The following TRAPPC12 variants were observed in gnomAD, a reference collection of about 807,000 sequenced individuals.
TRAPPC12 encodes the protein trafficking protein particle complex subunit 12, also known as TPR repeat protein 15.
In TRAPPC12, 61 loss-of-function variants were observed where a neutral mutation model predicts 69.2. The observed-to-expected ratio is 0.88, with a 90% CI of 0.72 to 1.09. The LOEUF is 1.09. Ranked by LOEUF, TRAPPC12 falls within the 50% of genes least tolerant of loss-of-function variation. The pLI, the probability that TRAPPC12 is intolerant of heterozygous loss-of-function variation, is 0.00. For synonymous variants in TRAPPC12, 469 were observed against 438.9 expected (o/e 1.07, Z -0.86); for missense variants, 1,101 against 1,016.4 (o/e 1.08, Z -1.13).
chr2:3,421,734 C>T (rs778791286), intron 3 of TRAPPC12, 147 bp from the exon 4 acceptor site: 1 of 758,292 alleles, frequency 1.3e-6, no homozygotes, highest in South Asian at 1.5e-5. Flanking sequence ...GTGCCGTCAG[C>T]ACACTGACGT....
At position 3,414,897 on chromosome 2, in the gene TRAPPC12, G is replaced by A. The variant is rs962246923; in HGVS notation, c.1165-6984G>A. 2.0e-5 allele frequency among the ~76,000 whole-genome samples: 3 copies of A among 152,044 alleles called. No individual in the cohort carries two copies. The highest frequency in any genetic ancestry group is 6.6e-5 in the Admixed American group (1 of 15,258). ...TTGGCCCTTCATATCTACAGGTTCC[G>A]CATCCACAGATTCCACCACCCGCAG... is the stretch of plus-strand genomic sequence containing the variant. On this transcript the variant is annotated intron_variant, in intron 3 of 11. Coordinates refer to ENST00000324266, the MANE Select transcript of TRAPPC12 (RefSeq NM_016030.6). The surrounding 1 kb of genome is among the most constrained non-coding windows in gnomAD (Gnocchi z 4.9).
chr2:3,434,453 C>T lies in TRAPPC12; in HGVS notation c.1418-9326C>T, dbSNP rs1395305609. On this transcript the variant is annotated intron_variant, in intron 5 of 11. Transcript: ENST00000324266. ...ATTTTTATTCTTTAAGATTTTTAAC[C>T]TGTGCAAGACTTTTTCAATGATACA... Among the ~76,000 whole-genome samples, 6 of 152,240 alleles carry T rather than the reference C, an allele frequency of 3.9e-5. No homozygotes were observed. In the East Asian group the frequency reaches 9.6e-4, roughly 24 times the overall value.
chr2:3,384,800 T>G (rs1660419279), intron 1 of TRAPPC12, among the ~76,000 whole-genome samples: 1 of 152,208 alleles, frequency 6.6e-6, no homozygotes, highest in Non-Finnish European at 1.5e-5. Context: ...TCTTTTTTCT[T>G]CTCTGCAAGA....
chr2:3,455,843 C>T (rs921746193), intron 6 of TRAPPC12: 1 of 152,182 alleles, frequency 6.6e-6, no homozygotes, highest in African/African-American at 2.4e-5. Context: ...AGACTGATTT[C>T]CTTTCTTTTC....
At position 3,457,597 on chromosome 2, in the gene TRAPPC12, CCTT is replaced by C. The variant is rs749087737; in HGVS notation, c.1531-21_1531-19del. ...CAAAAATTGGTTCCCATGATTTTGT[CCTT>C]CTCATTTGGAATGATTGCAGATCCT... On this transcript the variant is annotated intron_variant, in intron 6 of 11. Coordinates refer to ENST00000324266, the MANE Select transcript of TRAPPC12 (RefSeq NM_016030.6). The C allele has an allele frequency of 5.5e-5, 89 of 1,608,526 alleles. No individual in the cohort carries two copies. In the African/African-American group the frequency reaches 9.5e-4, roughly 17 times the overall value.
At position 3,383,900 on chromosome 2, in the gene TRAPPC12, T is replaced by G. The variant is rs796856944; in HGVS notation, c.-4-3720T>G. On this transcript the variant is annotated intron_variant, in intron 1 of 11. Coordinates refer to ENST00000324266, the MANE Select transcript of TRAPPC12 (RefSeq NM_016030.6). ...TTTTTTTTTTTTTTTTTTTTTTTTT[T>G]TTTTTTTTTTTTGAGATGAAGTTTC... is the stretch of plus-strand genomic sequence containing the variant. 6.5e-3 allele frequency among the ~76,000 whole-genome samples: 483 copies of G among 74,378 alleles called. 22 individuals are homozygous for G. Among genetic ancestry groups the G allele is most frequent in the African/African-American group, 0.028 (441 of 15,828 alleles). 48.8% of individuals were successfully genotyped at this position (74,378 alleles called of 152,430 possible).
intron 5 of TRAPPC12, among the ~76,000 whole-genome samples, chr2:3,432,262 G>A (rs1170112352): frequency 6.6e-6 from 1 of 152,186 alleles, no homozygotes; most frequent in African/African-American, 2.4e-5. Flanking sequence ...AATCCGTGCG[G>A]ATTACCATCA....
rs759367201 is a variant in TRAPPC12, at chr2:3,424,645, G to C, written c.1399G>C (p.Val467Leu). 6.8e-6 allele frequency: 11 copies of C among 1,611,080 alleles called. No individual in the cohort carries two copies. The highest frequency in any genetic ancestry group is 9.3e-6 in the Non-Finnish European group (11 of 1,178,916). The part of the protein sequence containing the change: ...PDLYYEYYPH[V>L]YPGRRGSMVP... Reference sequence around the variant, plus strand: ...TCTTTATTACGAGTACTACCCGCACGTGTACCCTGGGCGCAGGGGTAAGGC... The same window carrying C: ...TCTTTATTACGAGTACTACCCGCACCTGTACCCTGGGCGCAGGGGTAAGGC... Residue 467 changes from valine to leucine, a missense_variant, in exon 5 of 12, where the codon GTG (valine) becomes CTG (leucine). By Grantham distance (32) the Val-to-Leu change is conservative. Coordinates refer to ENST00000324266, the MANE Select transcript of TRAPPC12 (RefSeq NM_016030.6).
At chr2:3,456,939 G>GATTCCCCA (rs1665185641) in intron 6 of TRAPPC12, 1 of 361,272 alleles carries the variant, frequency 2.8e-6, no homozygotes, top group African/African-American at 2.2e-5. Context: ...CATGTATGAT[G>GATTCCCCA]TCTGCAGATA....
intron 3 of TRAPPC12, among the ~76,000 whole-genome samples, chr2:3,419,297 A>G (rs1475968744): frequency 6.6e-6 from 1 of 152,242 alleles, no homozygotes; most frequent in Non-Finnish European, 1.5e-5. Flanking sequence ...GACTTGGCAC[A>G]ATCTCTTTCC....
chr2:3,424,379 G>A (rs1200803027), intron 4 of TRAPPC12, 146 bp from the exon 5 acceptor site: 8 of 685,832 alleles, frequency 1.2e-5, no homozygotes, highest in Non-Finnish European at 1.9e-5. Flanking sequence ...AAATACGATT[G>A]TGTAAATATG....
rs907187646 is a variant in TRAPPC12 at position 3,414,830 on chromosome 2, C to T, written c.1165-7051C>T. Reference sequence around the variant, plus strand: ...GGAGTGTCCGTATTTCATAAACACACGTATGTGTGCATGTATGTATTTCTT... The same window carrying T: ...GGAGTGTCCGTATTTCATAAACACATGTATGTGTGCATGTATGTATTTCTT... On this transcript the variant is annotated intron_variant, in intron 3 of 11. Coordinates refer to ENST00000324266, the MANE Select transcript of TRAPPC12 (RefSeq NM_016030.6). This position sits in a 1 kb window ranked among gnomAD's most constrained non-coding sequence, Gnocchi z 4.9. 6.6e-6 allele frequency among the ~76,000 whole-genome samples: 1 copy of T among 152,188 alleles called. No individual in the cohort carries two copies. The highest frequency in any genetic ancestry group is 2.4e-5 in the African/African-American group (1 of 41,442).
intron 3 of TRAPPC12, among the ~76,000 whole-genome samples, chr2:3,405,072 G>T (rs148743567): frequency 9.2e-5 from 14 of 151,816 alleles, no homozygotes; most frequent in Non-Finnish European, 2.1e-4. Flanking sequence ...GGACCTTGGG[G>T]TGACTGGGCA....
intron 3 of TRAPPC12, among the ~76,000 whole-genome samples, chr2:3,408,297 G>C (rs1661842057): frequency 1.3e-5 from 2 of 152,204 alleles, no homozygotes; most frequent in South Asian, 4.1e-4. Context: ...ACACATTGTT[G>C]ATTCGAACGT....
intron 3 of TRAPPC12, among the ~76,000 whole-genome samples, chr2:3,416,656 C>A (rs1457034719): frequency 4.0e-5 from 1 of 25,316 alleles, no homozygotes; most frequent in Non-Finnish European, 7.2e-5. Context: ...ACTGTGCCCT[C>A]CCCCTGCCCC....
At chr2:3,463,336 C>T (rs930284868) in intron 8 of TRAPPC12, among the ~76,000 whole-genome samples, 1 of 151,944 alleles carries the variant, frequency 6.6e-6, no homozygotes, top group Non-Finnish European at 1.5e-5. Flanking sequence ...GTGTCATGTT[C>T]ACACCTGAGG....
At chr2:3,399,294 T>A (rs1223885135) in intron 2 of TRAPPC12, among the ~76,000 whole-genome samples, 1 of 152,248 alleles carries the variant, frequency 6.6e-6, no homozygotes, top group African/African-American at 2.4e-5. Context: ...TTGATTTTGC[T>A]CTTTACCCAG....
intron 5 of TRAPPC12, among the ~76,000 whole-genome samples, chr2:3,438,144 TC>T (rs1347816508): frequency 8.9e-4 from 13 of 14,572 alleles, no homozygotes; most frequent in African/African-American, 4.4e-3. Flanking sequence ...CCTGGATTAA[TC>T]CCCCCACCAC....
chr2:3,474,834 G>A (rs1666229566), intron 9 of TRAPPC12, among the ~76,000 whole-genome samples: 1 of 152,146 alleles, frequency 6.6e-6, no homozygotes. Flanking sequence ...CATGAGGTGT[G>A]CTGTGTGCTT....
Sources: gnomAD v4.1 joint callset for allele counts (sites outside exome capture counted in the v4.1 genomes callset) on GRCh38, gnomAD v4.1.1 for gene constraint, Gnocchi (gnomAD v3.1) non-coding constraint, MANE v1.5 for transcripts, NCBI Gene and HGNC (gene_info 2026-07-23, HGNC 2026-07-21) for gene names.